Variants in MTTP observed in about 807,000 individuals in gnomAD.
The protein encoded by MTTP is microsomal triglyceride transfer protein, also known as microsomal triglyceride transfer protein large subunit.
MTTP carries 49 observed loss-of-function variants against 90.6 expected under a neutral mutation model. The observed-to-expected ratio is 0.54, with a 90% CI of 0.43 to 0.69. The LOEUF is 0.69. MTTP is among the 30% of genes least tolerant of loss of function. MTTP has a pLI of 0.00. For missense variants in MTTP, 945 were observed against 1,067.5 expected (o/e 0.89, Z 1.60); for synonymous variants, 347 against 384.2 (o/e 0.90, Z 1.13).
rs771139787 is a variant in MTTP, at chr4:99,568,068, A to G, written c.-102+3831A>G. 2.0e-4 allele frequency among the ~76,000 whole-genome samples: 31 copies of G among 152,146 alleles called. 1 individual carries two copies. The highest frequency in any genetic ancestry group is 7.2e-4 in the Admixed American group (11 of 15,276). On this transcript the variant is annotated intron_variant, in intron 1 of 18. Coordinates refer to the MTTP transcript ENST00000457717. Reference sequence around the variant, plus strand: ...ATTAGAGAACCACATAAAAATGAAAATGATTCAAAAATAAATATTTGAAGA... The same window carrying G: ...ATTAGAGAACCACATAAAAATGAAAGTGATTCAAAAATAAATATTTGAAGA...
chr4:99,571,191 T>G (rs1724834039), upstream of MTTP, among the ~76,000 whole-genome samples: 1 of 152,146 alleles, frequency 6.6e-6, no homozygotes, highest in South Asian at 2.1e-4. Flanking sequence ...ACAATTGGCT[T>G]CTTGTTCCAC....
Position 99,591,315 on chromosome 4 carries a change from C to T in MTTP, c.582C>T (p.Cys194=), listed in dbSNP as rs562186814. 9.9e-6 allele frequency: 16 copies of T among 1,613,820 alleles called. No individual in the cohort carries two copies. In the South Asian group the frequency reaches 1.5e-4, roughly 16 times the overall value. Residue 194 remains cysteine (C), a synonymous_variant, in exon 5 of 18, where the codon TGC becomes TGT. Transcript: ENST00000265517. ...KVIKIKALDS[C]KIARSGFTTP... ...TCAAAATTAAGGCCTTGGATTCATGCAAAATAGCGAGGTCTGGATTTACGA... is the reference window on the plus strand; with the variant it reads ...TCAAAATTAAGGCCTTGGATTCATGTAAAATAGCGAGGTCTGGATTTACGA...
At chr4:99,565,341 AT>A (rs1332749032) in intron 1 of MTTP, among the ~76,000 whole-genome samples, 1 of 152,138 alleles carries the variant, frequency 6.6e-6, no homozygotes, top group East Asian at 1.9e-4. Flanking sequence ...AAGTCAATAA[AT>A]TTTCTTTTGA....
At chr4:99,621,021 T>A (rs766514261) in intron 16 of MTTP, 40 bp from the exon 17 acceptor site, 1 of 1,586,302 alleles carries the variant, frequency 6.3e-7, no homozygotes, top group South Asian at 1.1e-5. Context: ...CCATTAAATA[T>A]AATATGAACA....
chr4:99,622,294 C>T (rs1299520458), intron 17 of MTTP, among the ~76,000 whole-genome samples: 6 of 152,114 alleles, frequency 3.9e-5, no homozygotes, highest in East Asian at 1.9e-4. Context: ...TTTCTCTGTC[C>T]GCATTCTCTG....
chr4:99,577,072 C>T (rs1237141812), intron 1 of MTTP, among the ~76,000 whole-genome samples: 1 of 152,172 alleles, frequency 6.6e-6, no homozygotes, highest in African/African-American at 2.4e-5. Context: ...TTGAGAGCTT[C>T]TTTACCTAGA....
chr4:99,567,528 G>T (rs948731777), intron 1 of MTTP, among the ~76,000 whole-genome samples: 2 of 152,152 alleles, frequency 1.3e-5, no homozygotes, highest in Admixed American at 6.5e-5. Flanking sequence ...GTCAAAACTG[G>T]CAGGTTGTTC....
At chr4:99,601,299 A>G (rs961578426) in intron 9 of MTTP, among the ~76,000 whole-genome samples, 3 of 151,050 alleles carry the variant, frequency 2.0e-5, no homozygotes, top group Non-Finnish European at 4.4e-5. Flanking sequence ...TCATACATAA[A>G]ATTTTATAAC....
At chr4:99,592,724 A>C (rs997343690) in intron 6 of MTTP, among the ~76,000 whole-genome samples, 1 of 152,090 alleles carries the variant, frequency 6.6e-6, no homozygotes, top group Non-Finnish European at 1.5e-5. Flanking sequence ...CTCTGATAAC[A>C]ATGCCTTCTT....
At chr4:99,616,816 A>G (rs1057225505) in intron 15 of MTTP, among the ~76,000 whole-genome samples, 10 of 152,170 alleles carry the variant, frequency 6.6e-5, no homozygotes, top group Non-Finnish European at 1.3e-4. Context: ...CCCACCTTGC[A>G]ATGGAAATGC....
At chr4:99,582,176 G>T in intron 2 of MTTP, 84 bp downstream of exon 2, 3 of 1,372,308 alleles carry the variant, frequency 2.2e-6, no homozygotes, top group Non-Finnish European at 2.1e-6. Context: ...CTTGTATTGG[G>T]TTCCCGTTTA....
At chr4:99,621,543 A>T (rs1480926204) in intron 17 of MTTP, among the ~76,000 whole-genome samples, 2 of 152,214 alleles carry the variant, frequency 1.3e-5, no homozygotes, top group Admixed American at 6.5e-5. Flanking sequence ...TTTCATAAAA[A>T]AAATCAGATA....
Position 99,623,851 on chromosome 4 carries a change from T to A in MTTP, c.*1003T>A, listed in dbSNP as rs796899519. On this transcript the variant is annotated 3_prime_UTR_variant, in exon 18 of 18. Coordinates refer to ENST00000265517, the MANE Select transcript of MTTP (RefSeq NM_001386140.1). ...CATGTTGAACATTTGCAAATATTTA[T>A]TAATAAACAGATGTGGTGATAAACC... The A allele has an allele frequency of 6.6e-6, 1 of 152,220 alleles. No individual in the cohort carries two copies. 9.4% of individuals were successfully genotyped at this position (152,220 alleles called of 1,614,324 possible).
chr4:99,608,995 T>A lies in MTTP; in HGVS notation c.1769+18T>A. The A allele has an allele frequency of 6.3e-7, 1 of 1,590,090 alleles. No homozygotes were observed. The highest frequency in any genetic ancestry group is 1.1e-5 in the South Asian group (1 of 90,560). ...CCTGCAAGGTATAATACATTGCACA[T>A]GTCTCTCTGTGTATTCAAGCTTATT... On this transcript the variant is annotated intron_variant, in intron 12 of 17. Coordinates refer to ENST00000265517, the MANE Select transcript of MTTP (RefSeq NM_001386140.1).
At chr4:99,575,690 T>C (rs965572853) in intron 1 of MTTP, among the ~76,000 whole-genome samples, 2 of 152,232 alleles carry the variant, frequency 1.3e-5, no homozygotes, top group Admixed American at 1.3e-4. Context: ...TTCATAAAAC[T>C]GTTGTGAAGT....
At chr4:99,621,586 T>C (rs1247327413) in intron 17 of MTTP, among the ~76,000 whole-genome samples, 2 of 152,160 alleles carry the variant, frequency 1.3e-5, no homozygotes. Flanking sequence ...CACAATAAAC[T>C]GCTGGACAAA....
chr4:99,606,476 A>T (rs1302835943), intron 10 of MTTP, among the ~76,000 whole-genome samples: 1 of 152,212 alleles, frequency 6.6e-6, no homozygotes, highest in African/African-American at 2.4e-5. Context: ...GTGGCCTTAT[A>T]TATTCAAAAT....
Position 99,597,130 on chromosome 4 carries a change from G to T in MTTP, c.973G>T (p.Ala325Ser), listed in dbSNP as rs1578244604. ...GCCTGACAACCTTTCCAAGGCTGAG[G>T]CTGTCAGAAACTTCCTGGCCTTCAT... is the stretch of plus-strand genomic sequence containing the variant. The part of the protein sequence containing the change: ...LQPDNLSKAE[A>S]VRNFLAFIQH... The change falls in exon 8 of 18, where the codon GCT becomes TCT. Residue 325 changes from alanine (A) to serine (S), a missense_variant. Ala to Ser is a moderately conservative substitution (Grantham distance 99). Transcript: ENST00000265517. 2 of 1,613,922 alleles carry T rather than the reference G, an allele frequency of 1.2e-6. No individual in the cohort carries two copies. Among genetic ancestry groups the T allele is most frequent in the African/African-American group, 2.7e-5 (2 of 74,918 alleles).
intron 6 of MTTP, among the ~76,000 whole-genome samples, chr4:99,593,879 AT>A (rs1156510495): frequency 5.3e-5 from 8 of 152,186 alleles, no homozygotes; most frequent in Admixed American, 6.6e-5. Context: ...ACAACCCCAG[AT>A]TTAGTGGTAT....
Sources: allele counts gnomAD v4.1 joint callset (sites outside exome capture counted in the v4.1 genomes callset), GRCh38; gene constraint gnomAD v4.1.1; transcripts MANE v1.5; gene names NCBI Gene and HGNC (gene_info 2026-07-23, HGNC 2026-07-21).